The following PCDHA3 variants were observed in gnomAD, a reference collection of about 807,000 sequenced individuals.
The protein encoded by PCDHA3 is protocadherin alpha-3.
A neutral mutation model predicts 62.2 loss-of-function variants in PCDHA3; 41 were observed. The ratio of observed to expected loss-of-function variants is 0.66; its 90% CI spans 0.51 to 0.86. PCDHA3 has a LOEUF of 0.86. PCDHA3 is among the 40% of genes least tolerant of loss of function. PCDHA3 has a pLI of 0.00. For synonymous variants in PCDHA3, 640 were observed against 555.4 expected, an observed-to-expected ratio of 1.15 and a Z score of -2.14; for missense variants, 1,304 against 1,241.2, an observed-to-expected ratio of 1.05 and a Z score of -0.76.
At chr5:140,808,261 A>T (rs373829294) in intron 1 of PCDHA3, 14 of 1,614,106 alleles carry the variant, frequency 8.7e-6, no homozygotes, top group Non-Finnish European at 1.2e-5. Flanking sequence ...TATCACTTCC[A>T]ATTAGAGAGG....
At chr5:140,898,211 A>G (rs1554187859) in intron 1 of PCDHA3, among the ~76,000 whole-genome samples, 2 of 152,100 alleles carry the variant, frequency 1.3e-5, no homozygotes, top group African/African-American at 4.8e-5. Context: ...CCATTTGTCA[A>G]TTTTGGCTTT....
intron 1 of PCDHA3, chr5:140,834,849 G>A: frequency 6.2e-7 from 1 of 1,610,850 alleles, no homozygotes; most frequent in East Asian, 2.2e-5. Flanking sequence ...TCCACTAGAG[G>A]GCGCGTCCGA....
At chr5:140,953,952 C>G (rs1025145135) in intron 1 of PCDHA3, among the ~76,000 whole-genome samples, 1 of 152,084 alleles carries the variant, frequency 6.6e-6, no homozygotes, top group Non-Finnish European at 1.5e-5. Flanking sequence ...GCTCCCCCAA[C>G]AGGCCCCAGT....
intron 1 of PCDHA3, chr5:140,859,682 A>G (rs2045965984): frequency 6.5e-6 from 1 of 154,852 alleles, no homozygotes; most frequent in Admixed American, 6.4e-5. Context: ...AAATAAAATT[A>G]AAATTATTGT....
rs2150341132 is a variant in PCDHA3, at chr5:140,842,649, T to C, written c.2394+39058T>C. The C allele has an allele frequency of 5.7e-5, 91 of 1,595,206 alleles. 10 individuals are homozygous for C. The Admixed American group carries it at 1.5e-3, about 27-fold the overall frequency. On this transcript the variant is annotated intron_variant, in intron 1 of 3. Transcript: ENST00000522353. ...CTGTGGGCCACCGCCAGCTTGTCTG[T>C]GGAGGTGGCCGACGTGAACGACAAT... is the stretch of plus-strand genomic sequence containing the variant.
Position 140,883,641 on chromosome 5 carries a change from C to T in PCDHA3, c.2394+80050C>T, listed in dbSNP as rs1427282306. On this transcript the variant is annotated intron_variant, in intron 1 of 3. Coordinates refer to ENST00000522353, the MANE Select transcript of PCDHA3 (RefSeq NM_018906.3). ...GACAACGCGCCGGCGTTCGCGCAGC[C>T]CGAGTACACGGTGTTCGTGAAGGAA... is the stretch of plus-strand genomic sequence containing the variant. 3.7e-6 allele frequency: 6 copies of T among 1,613,840 alleles called. No homozygotes were observed. In the Admixed American group the frequency reaches 6.7e-5, roughly 18 times the overall value.
At position 140,801,739 on chromosome 5, in the gene PCDHA3, A is replaced by C; in HGVS notation, c.542A>C (p.Asp181Ala). ...GATTCCACTGAATATTTTACCTTGGACGTTAAAAGAAATGATGAGGAAATT... is the reference window on the plus strand; with the variant it reads ...GATTCCACTGAATATTTTACCTTGGCCGTTAAAAGAAATGATGAGGAAATT... Reference protein sequence around the residue: ...SLDSTEYFTLDVKRNDEEIKS... With the variant: ...SLDSTEYFTLAVKRNDEEIKS... Residue 181 changes from aspartate (D) to alanine (A), a missense_variant, in exon 1 of 4, where the codon GAC (aspartate) becomes GCC (alanine). By Grantham distance (126) the Asp-to-Ala change is moderately radical (BLOSUM62 -2). Transcript: ENST00000522353. 1 of 1,614,060 alleles carries C rather than the reference A, an allele frequency of 6.2e-7. No homozygotes were observed. The highest frequency in any genetic ancestry group is 8.5e-7 in the Non-Finnish European group (1 of 1,180,010).
At chr5:140,892,260 T>C (rs2063449120) in intron 1 of PCDHA3, among the ~76,000 whole-genome samples, 1 of 152,218 alleles carries the variant, frequency 6.6e-6, no homozygotes, top group East Asian at 1.9e-4. Flanking sequence ...TCTTTGATTT[T>C]GTGCTGAAAG....
At position 140,850,017 on chromosome 5, in the gene PCDHA3, G is replaced by T. The variant is rs2150463566; in HGVS notation, c.2394+46426G>T. ...GGGCGAGCGCTCGCTGTCGAGCTAC[G>T]TGTCAGTGCACGCGGAGAGCGGCAA... is the stretch of plus-strand genomic sequence containing the variant. On this transcript the variant is annotated intron_variant, in intron 1 of 3. Transcript: ENST00000522353. The T allele has an allele frequency of 5.6e-6, 9 of 1,596,972 alleles. 2 individuals are homozygous for T. The highest frequency in any genetic ancestry group is 6.9e-6 in the Non-Finnish European group (8 of 1,167,832).
At chr5:140,918,846 C>T (rs1261805257) in intron 1 of PCDHA3, among the ~76,000 whole-genome samples, 1 of 152,140 alleles carries the variant, frequency 6.6e-6, no homozygotes, top group African/African-American at 2.4e-5. Flanking sequence ...ACTAAATCTG[C>T]TGGTGCCTGA....
At chr5:140,835,628 C>T (rs2150239805) in intron 1 of PCDHA3, 1 of 1,613,890 alleles carries the variant, frequency 6.2e-7, no homozygotes, top group Admixed American at 1.7e-5. Context: ...CTCTGGACCG[C>T]GAGAGTGTGT....
chr5:140,966,929 G>A (rs944732818), intron 1 of PCDHA3: 2 of 1,603,460 alleles, frequency 1.2e-6, no homozygotes, highest in African/African-American at 1.3e-5. Flanking sequence ...GCAGGCACCC[G>A]GCGCGCTCGT....
intron 1 of PCDHA3, among the ~76,000 whole-genome samples, chr5:140,906,181 T>C (rs944915696): frequency 6.6e-6 from 1 of 152,170 alleles, no homozygotes. Flanking sequence ...CTTTGCATCC[T>C]TCAATCCAAT....
intron 1 of PCDHA3, among the ~76,000 whole-genome samples, chr5:140,918,323 T>C (rs1554198562): frequency 7.2e-5 from 11 of 152,184 alleles, no homozygotes. Flanking sequence ...TATAAAATTA[T>C]ATTGTCTGCT....
At chr5:140,882,629 G>C in intron 1 of PCDHA3, 1 of 1,614,254 alleles carries the variant, frequency 6.2e-7, no homozygotes, top group Non-Finnish European at 8.5e-7. Context: ...CCATGTGGAG[G>C]TGAAGGTGAG....
At chr5:140,968,133 A>C in intron 1 of PCDHA3, 6 of 1,614,140 alleles carry the variant, frequency 3.7e-6, no homozygotes, top group Non-Finnish European at 5.1e-6. Context: ...CGTACACTGA[A>C]GGTTGAGATC....
intron 1 of PCDHA3, among the ~76,000 whole-genome samples, chr5:140,874,815 A>T (rs2055116009): frequency 6.6e-6 from 1 of 152,262 alleles, no homozygotes; most frequent in Non-Finnish European, 1.5e-5. Context: ...AAGACAATTT[A>T]TATAAATGAA....
At chr5:140,846,712 C>G (rs1014332332) in intron 1 of PCDHA3, among the ~76,000 whole-genome samples, 1 of 149,228 alleles carries the variant, frequency 6.7e-6, no homozygotes, top group Non-Finnish European at 1.5e-5. Context: ...ATTGTAATAA[C>G]CAGTCTTCAT....
intron 1 of PCDHA3, among the ~76,000 whole-genome samples, chr5:140,924,224 T>A (rs1266072324): frequency 6.6e-6 from 1 of 152,220 alleles, no homozygotes; most frequent in Non-Finnish European, 1.5e-5. Context: ...TAAGTTCAAT[T>A]TTTATGGGCT....
Sources: allele counts gnomAD v4.1 joint callset (sites outside exome capture counted in the v4.1 genomes callset), GRCh38; gene constraint gnomAD v4.1.1; transcripts MANE v1.5; gene names NCBI Gene and HGNC (gene_info 2026-07-23, HGNC 2026-07-21).